The following OGFOD3 variants were observed in gnomAD, a reference collection of about 807,000 sequenced individuals.
OGFOD3 encodes the protein 2-oxoglutarate and iron dependent oxygenase domain containing 3.
Under a neutral mutation model 39.8 loss-of-function variants are expected in OGFOD3, and 35 were observed. That is an observed-to-expected ratio of 0.88 (90% confidence interval 0.67 to 1.17). The LOEUF is 1.17. Ranked by LOEUF, OGFOD3 falls within the 50% of genes most tolerant of loss-of-function variation. OGFOD3 has a pLI of 0.00. For missense variants in OGFOD3, 438 were observed against 454.5 expected (o/e 0.96, Z 0.33); for synonymous variants, 200 against 192.0 (o/e 1.04, Z -0.34).
chr17:82,399,629 C>G (rs953612999), intron 7 of OGFOD3, among the ~76,000 whole-genome samples: 2 of 152,178 alleles, frequency 1.3e-5, no homozygotes, highest in East Asian at 1.9e-4. Flanking sequence ...ACTCCCCACG[C>G]CCCCCAGTCC....
In OGFOD3 at chr17:82,398,381, C is replaced by T. The variant is rs924556237; in HGVS notation, c.700-62G>A. ...TCTCAGCATGCGACCAGGGCAGGTG[C>T]TGCTTCTCTCTCTTATTTTTTGTTT... On this transcript the variant is annotated intron_variant, in intron 7 of 8. Transcript: ENST00000313056. The T allele has an allele frequency of 4.4e-6, 7 of 1,586,982 alleles. No individual in the cohort carries two copies. In the African/African-American group the frequency reaches 9.5e-5, roughly 21 times the overall value.
At position 82,409,459 on chromosome 17, in the gene OGFOD3, T is replaced by TTAGGAC. The variant is rs1169746335; in HGVS notation, c.381-50_381-49insGTCCTA. The TTAGGAC allele has an allele frequency of 3.8e-6, 6 of 1,575,404 alleles. No homozygotes were observed. The South Asian group carries it at 6.6e-5, about 17-fold the overall frequency. ...ATTTCGTTGCTAGAATTGTCTATAA[T>TTAGGAC]GTATAATCTAGGCAAACGTCAATCA... On this transcript the variant is annotated intron_variant, in intron 3 of 8. Coordinates refer to ENST00000313056, the MANE Select transcript of OGFOD3 (RefSeq NM_024648.3).
Position 82,398,267 on chromosome 17 carries a change from A to G in OGFOD3, c.752T>C (p.Leu251Pro). The G allele has an allele frequency of 6.2e-7, 1 of 1,614,144 alleles. No individual in the cohort carries two copies. Among genetic ancestry groups the G allele is most frequent in the Non-Finnish European group, 8.5e-7 (1 of 1,180,022 alleles). Residue 251 changes from leucine to proline, a missense_variant, in exon 8 of 9, where the codon CTG (leucine) becomes CCG (proline). Coordinates refer to ENST00000313056, the MANE Select transcript of OGFOD3 (RefSeq NM_024648.3). ...GAACCGCCCTCCGCCGAAGTCCTCCAGGTAGTTGGAGAGGTACAGCAGCGA... is the reference window on the plus strand; with the variant it reads ...GAACCGCCCTCCGCCGAAGTCCTCCGGGTAGTTGGAGAGGTACAGCAGCGA... ...YTSLLYLSNY[L>P]EDFGGGRFMF...
In OGFOD3 at chr17:82,401,803, C is replaced by CAAAAAAAAAAA. The variant is rs79956747; in HGVS notation, c.699+2123_699+2133dup. Among the ~76,000 whole-genome samples, 133 of 61,664 alleles carry CAAAAAAAAAAA rather than the reference C, an allele frequency of 2.2e-3. 2 individuals are homozygous for CAAAAAAAAAAA. The highest frequency in any genetic ancestry group is 6.9e-3 in the African/African-American group (83 of 12,088). 40.5% of individuals were successfully genotyped at this position (61,664 alleles called of 152,430 possible). A position where few individuals can be genotyped will look rare whatever the true frequency, so the allele number is the denominator to read the frequency against. On this transcript the variant is annotated intron_variant, in intron 7 of 8. Transcript: ENST00000313056. Reference sequence around the variant, plus strand: ...TGGGTGGCAGAGCAAGACTCCATCTCAAAAAAAAAAAAAAAAAAAACAAAG... The same window carrying CAAAAAAAAAAA: ...TGGGTGGCAGAGCAAGACTCCATCTCAAAAAAAAAAAAAAAAAAAAAAAAAAAAAAACAAAG...
chr17:82,417,114 G>A (rs2053069002), intron 1 of OGFOD3: 1 of 152,178 alleles, frequency 6.6e-6, no homozygotes, highest in Non-Finnish European at 1.5e-5. Context: ...GAAGGAAATA[G>A]ATACATGTAT....
chr17:82,403,342 C>T (rs549022571), intron 7 of OGFOD3, among the ~76,000 whole-genome samples: 55 of 152,070 alleles, frequency 3.6e-4, no homozygotes, highest in African/African-American at 1.3e-3. Context: ...CATCTAAATG[C>T]TTACACCCAC....
At chr17:82,401,938 C>T (rs1159177031) in intron 7 of OGFOD3, among the ~76,000 whole-genome samples, 7 of 151,960 alleles carry the variant, frequency 4.6e-5, no homozygotes, top group Non-Finnish European at 2.9e-5. Flanking sequence ...CAGCAAGAGT[C>T]CTAATCTCCC....
Position 82,418,512 on chromosome 17 carries a change from C to T in OGFOD3, c.-27G>A. 2 of 1,301,838 alleles carry T rather than the reference C, an allele frequency of 1.5e-6. No homozygotes were observed. The highest frequency in any genetic ancestry group is 2.0e-6 in the Non-Finnish European group (2 of 1,020,022). The allele number at this position is 1,301,838 out of a possible 1,614,324, so 80.6% of individuals were successfully genotyped here. A position where few individuals can be genotyped will look rare whatever the true frequency, so the allele number is the denominator to read the frequency against. On this transcript the variant is annotated 5_prime_UTR_variant, in exon 1 of 9. Transcript: ENST00000313056. ...GGACCAGGCCGCCGCGGAGCCGGGC[C>T]GGACGCGGGCGCCAGGCCCGGGGAC...
chr17:82,398,130 C>A (rs1599687967), intron 8 of OGFOD3, 66 bp downstream of exon 8: 2 of 1,597,338 alleles, frequency 1.3e-6, no homozygotes, highest in East Asian at 4.5e-5. Flanking sequence ...AGGGACACGC[C>A]CCCCACACCC....
intron 7 of OGFOD3, among the ~76,000 whole-genome samples, chr17:82,401,743 G>C: frequency 7.1e-6 from 1 of 141,736 alleles, no homozygotes; most frequent in Non-Finnish European, 1.5e-5. Flanking sequence ...GGCAGAGGTT[G>C]CAGTGAGCTG....
rs2052615725 is a variant in OGFOD3, at chr17:82,392,846, C to T, written c.824-312G>A. On this transcript the variant is annotated intron_variant, in intron 8 of 8. Transcript: ENST00000313056. The surrounding 1 kb of genome is among the most constrained non-coding windows in gnomAD (Gnocchi z 4.2). The stretch of plus-strand genomic sequence containing the variant: ...CTCCAGACACCCCAGGTCATCTGAT[C>T]TCCCGAGCTCCGGGCATTTGATCTC... The T allele has an allele frequency of 2.9e-6, 1 of 349,384 alleles. No individual in the cohort carries two copies. The highest frequency in any genetic ancestry group is 5.4e-5 in the East Asian group (1 of 18,650). The allele number at this position is 349,384 out of a possible 1,614,324, so 21.6% of individuals were successfully genotyped here.
rs549181400 is a variant in OGFOD3, at chr17:82,415,114, A to G, written c.304+284T>C. On this transcript the variant is annotated intron_variant, in intron 2 of 8. Transcript: ENST00000313056. The surrounding 1 kb of genome is among the most constrained non-coding windows in gnomAD (Gnocchi z 5.3). ...CTCTACCACATTCTCCAGTCAAAAAATCTTTCTGGTTTTGACTTTCTCATC... is the reference window on the plus strand; with the variant it reads ...CTCTACCACATTCTCCAGTCAAAAAGTCTTTCTGGTTTTGACTTTCTCATC... 6.6e-6 allele frequency among the ~76,000 whole-genome samples: 1 copy of G among 152,280 alleles called. No homozygotes were observed. Among genetic ancestry groups the G allele is most frequent in the African/African-American group, 2.4e-5 (1 of 41,548 alleles).
chr17:82,418,201 T>C (rs755718979), intron 1 of OGFOD3: 13 of 411,152 alleles, frequency 3.2e-5, no homozygotes, highest in Non-Finnish European at 4.8e-5. Context: ...GGTGGGCCTC[T>C]GCCGTCGGCT....
chr17:82,413,293 G>A (rs926895006), intron 2 of OGFOD3, among the ~76,000 whole-genome samples: 5 of 152,266 alleles, frequency 3.3e-5, no homozygotes, highest in Non-Finnish European at 5.9e-5. Flanking sequence ...GCACAGGAGC[G>A]ACTCGGCAGG....
rs940629438 is a variant in OGFOD3 at position 82,406,944 on chromosome 17, G to T, written c.424-462C>A. ...TAAAATCCTCCCAGACCGGCCAGAC[G>T]TGGTGGCTCACACCTGCAATCCCAG... On this transcript the variant is annotated intron_variant, in intron 4 of 8. Coordinates refer to ENST00000313056, the MANE Select transcript of OGFOD3 (RefSeq NM_024648.3). The surrounding 1 kb of genome is among the most constrained non-coding windows in gnomAD (Gnocchi z 5.2). Among the ~76,000 whole-genome samples, 2 of 152,160 alleles carry T rather than the reference G, an allele frequency of 1.3e-5. No individual in the cohort carries two copies. Among genetic ancestry groups the T allele is most frequent in the Admixed American group, 1.3e-4 (2 of 15,284 alleles).
rs1026534758 is a variant in OGFOD3 at position 82,399,400 on chromosome 17, C to T, written c.700-1081G>A. Reference sequence around the variant, plus strand: ...CGTGGGAACCAGAGGCAGCGGTGGACGCGCTTTTCTCCTTTCTTCAGAAGT... The same window carrying T: ...CGTGGGAACCAGAGGCAGCGGTGGATGCGCTTTTCTCCTTTCTTCAGAAGT... On this transcript the variant is annotated intron_variant, in intron 7 of 8. Coordinates refer to ENST00000313056, the MANE Select transcript of OGFOD3 (RefSeq NM_024648.3). Among the ~76,000 whole-genome samples, 13 of 152,330 alleles carry T rather than the reference C, an allele frequency of 8.5e-5. No homozygotes were observed. In the East Asian group the frequency reaches 1.3e-3, roughly 16 times the overall value.
chr17:82,405,489 A>G, intron 5 of OGFOD3, 109 bp from the exon 6 acceptor site: 3 of 899,542 alleles, frequency 3.3e-6, no homozygotes, highest in East Asian at 2.5e-5. Flanking sequence ...TCACACATTC[A>G]GAGCAACTCC....
intron 2 of OGFOD3, among the ~76,000 whole-genome samples, chr17:82,413,090 T>C (rs2052978353): frequency 1.3e-5 from 2 of 152,206 alleles, no homozygotes; most frequent in Admixed American, 6.5e-5. Flanking sequence ...GGTTAAATGA[T>C]CTAATGGACA....
At chr17:82,418,337 C>A in intron 1 of OGFOD3, 75 bp downstream of exon 1, 1 of 667,812 alleles carries the variant, frequency 1.5e-6, no homozygotes, top group South Asian at 1.9e-5. Context: ...GGCCCCGCCC[C>A]ATCAGCCCCA....
Sources: allele counts gnomAD v4.1 joint callset (sites outside exome capture counted in the v4.1 genomes callset), GRCh38; gene constraint gnomAD v4.1.1; non-coding constraint Gnocchi (gnomAD v3.1); transcripts MANE v1.5; gene names NCBI Gene and HGNC (gene_info 2026-07-23, HGNC 2026-07-21).